AK9: variants seen among roughly 807,000 people sequenced by gnomAD.
AK9 encodes adenylate kinase domain containing 1.
A neutral mutation model predicts 239.6 loss-of-function variants in AK9; 191 were observed. The observed-to-expected ratio is 0.80, with a 90% CI of 0.71 to 0.90. The LOEUF (loss-of-function observed/expected upper bound fraction) is 0.90, where lower values mean the gene tolerates loss of function less well. Ranked by LOEUF, AK9 falls within the 40% of genes least tolerant of loss-of-function variation. The pLI, the probability that AK9 is intolerant of heterozygous loss-of-function variation, is 0.00. For synonymous variants in AK9, 689 were observed against 721.0 expected, an observed-to-expected ratio of 0.96 and a Z score of 0.71; for missense variants, 1,995 against 2,214.7, an observed-to-expected ratio of 0.90 and a Z score of 1.99.
Position 109,610,419 on chromosome 6 carries a change from GT to G in AK9, c.1787del (p.Asn596ThrfsTer20). On this transcript the variant is annotated frameshift_variant, in exon 17 of 41. Coordinates refer to ENST00000424296, the MANE Select transcript of AK9 (RefSeq NM_001145128.3). LOFTEE classifies it high-confidence loss of function. ...EETIKMSQDI[N>X]FEQPYEKHAE... ...CATGTTTTTCATATGGCTGTTCAAA[GT>G]TTATATCCTGTGACATTTTTATAGT... The G allele has an allele frequency of 6.4e-7, 1 of 1,551,568 alleles. No individual in the cohort carries two copies. The highest frequency in any genetic ancestry group is 8.7e-7 in the Non-Finnish European group (1 of 1,146,906).
At chr6:109,627,855 G>A (rs1459668806) in intron 12 of AK9, among the ~76,000 whole-genome samples, 1 of 152,120 alleles carries the variant, frequency 6.6e-6, no homozygotes, top group East Asian at 1.9e-4. Context: ...TTACCATGTT[G>A]GCCAAACTGG....
chr6:109,498,507 CTTG>C (rs777840577), intron 36 of AK9, among the ~76,000 whole-genome samples: 12 of 152,280 alleles, frequency 7.9e-5, no homozygotes, highest in African/African-American at 2.2e-4. Context: ...TCTGTTTTTT[CTTG>C]TTGTTGTTTT....
chr6:109,600,440 G>C (rs1463400179), intron 17 of AK9, among the ~76,000 whole-genome samples: 2 of 152,298 alleles, frequency 1.3e-5, no homozygotes, highest in South Asian at 2.1e-4. Context: ...ACTTGATCAT[G>C]GTGGATAAGC....
intron 20 of AK9, among the ~76,000 whole-genome samples, chr6:109,578,702 C>A (rs1788438610): frequency 6.6e-6 from 1 of 152,098 alleles, no homozygotes; most frequent in Non-Finnish European, 1.5e-5. Flanking sequence ...CCTCTTTGGA[C>A]CACTTTTGCT....
intron 27 of AK9, among the ~76,000 whole-genome samples, chr6:109,539,993 T>C (rs1782635705): frequency 6.6e-6 from 1 of 152,136 alleles, no homozygotes; most frequent in Admixed American, 6.6e-5. Flanking sequence ...TCTGGCCATG[T>C]GAGGTGTCAT....
chr6:109,639,160 T>C (rs535948032), intron 10 of AK9, among the ~76,000 whole-genome samples: 1 of 152,354 alleles, frequency 6.6e-6, no homozygotes, highest in South Asian at 2.1e-4. Context: ...CCTTTGGGTA[T>C]ATACCCAGTA....
rs1778435166 is a variant in AK9, at chr6:109,509,275, A to T, written c.4385T>A (p.Leu1462Ter). 1 of 1,551,858 alleles carries T rather than the reference A, an allele frequency of 6.4e-7. No individual in the cohort carries two copies. Among genetic ancestry groups the T allele is most frequent in the African/African-American group, 1.4e-5 (1 of 73,056 alleles). The change falls in exon 33 of 41, where the codon TTA becomes TAA. Residue 1462 changes from leucine to a stop codon, truncating the protein, a stop_gained. Coordinates refer to ENST00000424296, the MANE Select transcript of AK9 (RefSeq NM_001145128.3). LOFTEE classifies it high-confidence loss of function. ...NHPETELALM[L>*]NWHLHKGMTA... ...CATTCCTTTATGAAGATGCCAATTT[A>T]ACATAAGTGCCAGCTCTGTTTCCGG...
chr6:109,518,041 C>T (rs1779444280), intron 29 of AK9, among the ~76,000 whole-genome samples: 1 of 152,058 alleles, frequency 6.6e-6, no homozygotes, highest in Admixed American at 6.5e-5. Context: ...CCCTTGTGGC[C>T]CCTCTCCACT....
Position 109,617,712 on chromosome 6 carries a change from A to G in AK9, c.1399+1380T>C, listed in dbSNP as rs114351495. 7.5e-3 allele frequency among the ~76,000 whole-genome samples: 1,145 copies of G among 152,336 alleles called. 16 individuals are homozygous for G. The highest frequency in any genetic ancestry group is 0.026 in the African/African-American group (1,083 of 41,586). ...AATCAGTGAATGTAATTTTGCGTATACCATAGGATCACAATTAACCATTAC... is the reference window on the plus strand; with the variant it reads ...AATCAGTGAATGTAATTTTGCGTATGCCATAGGATCACAATTAACCATTAC... On this transcript the variant is annotated intron_variant, in intron 13 of 40. Coordinates refer to ENST00000424296, the MANE Select transcript of AK9 (RefSeq NM_001145128.3).
In AK9 at chr6:109,542,078, G is replaced by T. The variant is rs779494275; in HGVS notation, c.3319C>A (p.Leu1107Ile). The change falls in exon 27 of 41, where the codon CTT becomes ATT. Residue 1107 changes from leucine (L) to isoleucine (I), a missense_variant. This residue lies in a region of AK9 where 1,290 missense variants were observed against 1,392.7 expected (regional missense o/e 0.93). Coordinates refer to ENST00000424296, the MANE Select transcript of AK9 (RefSeq NM_001145128.3). Reference protein sequence around the residue: ...PLPPEILEVILSEWWLKEPIR... With the variant: ...PLPPEILEVIISEWWLKEPIR... Reference sequence around the variant, plus strand: ...GGTTCCTTAAGCCACCACTCAGAAAGAATTACTTCAAGAATTTCAGGAGGC... The same window carrying T: ...GGTTCCTTAAGCCACCACTCAGAAATAATTACTTCAAGAATTTCAGGAGGC... 1.9e-6 allele frequency: 3 copies of T among 1,605,296 alleles called. No homozygotes were observed. Among genetic ancestry groups the T allele is most frequent in the South Asian group, 2.2e-5 (2 of 90,290 alleles).
At chr6:109,619,890 T>C (rs1377155483) in intron 12 of AK9, among the ~76,000 whole-genome samples, 1 of 152,166 alleles carries the variant, frequency 6.6e-6, no homozygotes, top group Non-Finnish European at 1.5e-5. Context: ...AGTGTTACCT[T>C]TTCTAGAATT....
chr6:109,650,782 G>C lies in AK9; in HGVS notation c.759+5974C>G, dbSNP rs563482195. Among the ~76,000 whole-genome samples the C allele has an allele frequency of 3.9e-5, 6 of 152,232 alleles. No individual in the cohort carries two copies. The South Asian group carries it at 1.0e-3, about 26-fold the overall frequency. On this transcript the variant is annotated intron_variant, in intron 8 of 40. Transcript: ENST00000424296. ...TGCTGCTATAAAGACACATGCAAAC[G>C]TATGTTTATAGTGGCACTATTCACA...
At chr6:109,585,859 CA>C (rs34955643) in intron 18 of AK9, 56 bp downstream of exon 18, 1 of 1,477,664 alleles carries the variant, frequency 6.8e-7, no homozygotes, top group Non-Finnish European at 9.1e-7. Flanking sequence ...TATATTTAAC[CA>C]AAAATATCAA....
At chr6:109,582,931 A>G (rs1397788508) in intron 19 of AK9, among the ~76,000 whole-genome samples, 3 of 152,146 alleles carry the variant, frequency 2.0e-5, no homozygotes, top group African/African-American at 7.2e-5. Context: ...CTGAGGCAAA[A>G]CCTTCCACCA....
intron 1 of AK9, among the ~76,000 whole-genome samples, chr6:109,689,907 A>G (rs1046591372): frequency 8.5e-5 from 13 of 152,124 alleles, no homozygotes; most frequent in African/African-American, 3.1e-4. Flanking sequence ...ACAGCTAACT[A>G]TTTTTCCCAG....
intron 27 of AK9, among the ~76,000 whole-genome samples, chr6:109,539,953 T>G (rs996169439): frequency 5.9e-5 from 9 of 152,264 alleles, no homozygotes; most frequent in African/African-American, 1.7e-4. Context: ...TCCCTGATTG[T>G]TCCTGTGGAA....
At chr6:109,525,016 A>G (rs1358759) in intron 29 of AK9, among the ~76,000 whole-genome samples, 88,553 of 152,046 alleles carry the variant, frequency 0.58, 27,482 homozygotes, top group South Asian at 0.84. Flanking sequence ...TTACATTTAA[A>G]TCTTTAATCC....
chr6:109,523,459 G>A (rs752108311), intron 29 of AK9, among the ~76,000 whole-genome samples: 62 of 152,162 alleles, frequency 4.1e-4, no homozygotes, highest in Non-Finnish European at 3.5e-4. Flanking sequence ...ATAATAAACT[G>A]TAAACAACAC....
intron 26 of AK9, 107 bp downstream of exon 26, chr6:109,545,760 G>C: frequency 7.4e-7 from 1 of 1,354,566 alleles, no homozygotes; most frequent in East Asian, 2.3e-5. Flanking sequence ...CTGTGATTGT[G>C]CCACTGCCTT....
Sources: allele counts gnomAD v4.1 joint callset (sites outside exome capture counted in the v4.1 genomes callset), GRCh38; gene constraint gnomAD v4.1.1; regional missense constraint gnomAD v4.1.1; transcripts MANE v1.5; gene names NCBI Gene and HGNC (gene_info 2026-07-23, HGNC 2026-07-21).